Variants in SGMS1 observed in about 807,000 individuals in gnomAD.
SGMS1 encodes phosphatidylcholine:ceramide cholinephosphotransferase 1.
SGMS1 carries 13 observed loss-of-function variants against 46.2 expected under a neutral mutation model. The ratio of observed to expected loss-of-function variants is 0.28; its 90% CI spans 0.18 to 0.45. The LOEUF is 0.45. Ranked by LOEUF, SGMS1 falls within the 20% of genes least tolerant of loss-of-function variation. The probability of loss-of-function intolerance (pLI) is 1.00; values close to 1 mark genes in which losing one functional copy is unlikely to be tolerated. For synonymous variants in SGMS1, 203 were observed against 187.8 expected, an observed-to-expected ratio of 1.08 and a Z score of -0.66; for missense variants, 324 against 519.9, an observed-to-expected ratio of 0.62 and a Z score of 3.66.
chr10:50,584,420 A>T (rs1474599791), intron 2 of SGMS1, among the ~76,000 whole-genome samples: 1 of 148,308 alleles, frequency 6.7e-6, no homozygotes, highest in Non-Finnish European at 1.5e-5. Flanking sequence ...AATCACTTGA[A>T]CCCGGGAGGC....
intron 1 of SGMS1, chr10:50,590,804 G>T (rs1838533537): frequency 6.6e-6 from 1 of 152,124 alleles, no homozygotes; most frequent in African/African-American, 2.4e-5. Context: ...TAGTCACCAT[G>T]CATTAGGTCT....
chr10:50,388,606 G>A (rs560227228), intron 6 of SGMS1, among the ~76,000 whole-genome samples: 64 of 151,926 alleles, frequency 4.2e-4, no homozygotes, highest in African/African-American at 1.4e-3. Flanking sequence ...GAGCGAGACT[G>A]TCTCAAAAAG....
intron 6 of SGMS1, among the ~76,000 whole-genome samples, chr10:50,357,313 T>C (rs1246866196): frequency 6.6e-6 from 1 of 152,028 alleles, no homozygotes; most frequent in Non-Finnish European, 1.5e-5. Flanking sequence ...GCAATTATTC[T>C]GGTAATGAAA....
chr10:50,556,807 G>C (rs1344378231), intron 2 of SGMS1, among the ~76,000 whole-genome samples: 1 of 152,170 alleles, frequency 6.6e-6, no homozygotes, highest in African/African-American at 2.4e-5. Flanking sequence ...TGCTTGCTTA[G>C]CAATCAACAT....
chr10:50,565,493 A>T lies in SGMS1; in HGVS notation c.-589+24660T>A, dbSNP rs77802579. On this transcript the variant is annotated intron_variant, in intron 2 of 10. Transcript: ENST00000361781. ...GTCAATGCCACCATTTATGTTACAC[A>T]AAAGATACGTCTGGAAAGAAGTGGT... 2.7e-3 allele frequency among the ~76,000 whole-genome samples: 416 copies of T among 152,322 alleles called. 1 individual carries two copies. Among genetic ancestry groups the T allele is most frequent in the Non-Finnish European group, 3.5e-3 (235 of 68,036 alleles).
At chr10:50,346,522 G>A (rs1847914550) in intron 6 of SGMS1, among the ~76,000 whole-genome samples, 1 of 152,060 alleles carries the variant, frequency 6.6e-6, no homozygotes, top group African/African-American at 2.4e-5. Flanking sequence ...AGCCAAATAA[G>A]CCTAGGAATA....
chr10:50,531,597 C>T (rs1837954149), intron 2 of SGMS1, among the ~76,000 whole-genome samples: 1 of 152,120 alleles, frequency 6.6e-6, no homozygotes, highest in African/African-American at 2.4e-5. Flanking sequence ...CAGTGTCACT[C>T]AAACTAGGGC....
chr10:50,483,343 G>C (rs748932673), intron 3 of SGMS1, among the ~76,000 whole-genome samples: 1 of 152,154 alleles, frequency 6.6e-6, no homozygotes, highest in African/African-American at 2.4e-5. Flanking sequence ...GCCCCACAAG[G>C]TGCTGGGATT....
intron 2 of SGMS1, among the ~76,000 whole-genome samples, chr10:50,561,619 G>C (rs1025233125): frequency 6.6e-6 from 1 of 152,150 alleles, no homozygotes; most frequent in East Asian, 1.9e-4. Flanking sequence ...CACAGACACC[G>C]ATTACAGACA....
At chr10:50,421,772 G>A (rs1404676621) in intron 6 of SGMS1, among the ~76,000 whole-genome samples, 1 of 152,120 alleles carries the variant, frequency 6.6e-6, no homozygotes, top group Non-Finnish European at 1.5e-5. Context: ...GTACACTCGA[G>A]GGTCTAAAAA....
At chr10:50,339,922 A>T (rs1847785840) in intron 7 of SGMS1, among the ~76,000 whole-genome samples, 1 of 152,190 alleles carries the variant, frequency 6.6e-6, no homozygotes, top group Admixed American at 6.5e-5. Context: ...GCTTCAGGCT[A>T]AGGAGCTGGT....
chr10:50,367,165 A>G (rs1170908345), intron 6 of SGMS1, among the ~76,000 whole-genome samples: 3 of 152,318 alleles, frequency 2.0e-5, no homozygotes, highest in Middle Eastern at 3.4e-3. Flanking sequence ...TGGGTAACCA[A>G]TGGTTTTCCA....
rs548583256 is a variant in SGMS1 at position 50,579,216 on chromosome 10, A to T, written c.-589+10937T>A. 3.9e-5 allele frequency among the ~76,000 whole-genome samples: 6 copies of T among 152,306 alleles called. No homozygotes were observed. In the South Asian group the frequency reaches 1.2e-3, roughly 32 times the overall value. On this transcript the variant is annotated intron_variant, in intron 2 of 10. Transcript: ENST00000361781. ...AAATTGAATAGAAGGGTTAGAAGGT[A>T]AACGTAGGAAATATCCTAAGAATAC...
At chr10:50,490,620 C>T (rs553009647) in intron 3 of SGMS1, among the ~76,000 whole-genome samples, 1 of 152,166 alleles carries the variant, frequency 6.6e-6, no homozygotes, top group Non-Finnish European at 1.5e-5. Flanking sequence ...AAAATGGAAA[C>T]AGTATTATCG....
intron 5 of SGMS1, among the ~76,000 whole-genome samples, chr10:50,449,324 T>C (rs1372608019): frequency 2.0e-5 from 3 of 152,164 alleles, no homozygotes; most frequent in Admixed American, 6.5e-5. Context: ...ATTGGAAAGC[T>C]TCCTAAGATG....
At chr10:50,462,673 A>G (rs559272364) in intron 4 of SGMS1, among the ~76,000 whole-genome samples, 52 of 152,356 alleles carry the variant, frequency 3.4e-4, no homozygotes, top group African/African-American at 1.2e-3. Context: ...TAGATGGCCA[A>G]TGGAATAGGC....
chr10:50,554,456 C>A (rs1838173900), intron 2 of SGMS1, among the ~76,000 whole-genome samples: 1 of 151,960 alleles, frequency 6.6e-6, no homozygotes. Flanking sequence ...AGTTGTAAAT[C>A]CAAATGTCAA....
At chr10:50,480,740 T>C (rs934355359) in intron 3 of SGMS1, among the ~76,000 whole-genome samples, 6 of 152,136 alleles carry the variant, frequency 3.9e-5, no homozygotes, top group Non-Finnish European at 8.8e-5. Flanking sequence ...GGCAGCAGGC[T>C]GAAGGCTACC....
rs1849047458 is a variant in SGMS1, at chr10:50,408,405, G to A, written c.-232+25071C>T. ...AATGATTGAGCCCAGAGACCAGCCT[G>A]GGCAATATACTGAGACCTCATCTCT... On this transcript the variant is annotated intron_variant, in intron 6 of 10. Coordinates refer to ENST00000361781, the MANE Select transcript of SGMS1 (RefSeq NM_147156.4). Among the ~76,000 whole-genome samples the A allele has an allele frequency of 4.8e-5, 7 of 145,220 alleles. No individual in the cohort carries two copies. The Admixed American group carries it at 4.9e-4, about 10-fold the overall frequency.
Sources: gnomAD v4.1 joint callset for allele counts (sites outside exome capture counted in the v4.1 genomes callset) on GRCh38, gnomAD v4.1.1 for gene constraint, MANE v1.5 for transcripts, NCBI Gene and HGNC (gene_info 2026-07-23, HGNC 2026-07-21) for gene names.